Variants in CDK19 observed in about 807,000 individuals in gnomAD.
The protein encoded by CDK19 is cyclin-dependent kinase 19.
In CDK19, 20 loss-of-function variants were observed where a neutral mutation model predicts 68.3. That is an observed-to-expected ratio of 0.29 (90% CI 0.21 to 0.43). The LOEUF (loss-of-function observed/expected upper bound fraction) is 0.43. Ranked by LOEUF, CDK19 falls within the 20% of genes least tolerant of loss-of-function variation. CDK19 has a pLI of 1.00. For synonymous variants in CDK19, 221 were observed against 222.8 expected (o/e 0.99, Z 0.07); for missense variants, 339 against 623.5 (o/e 0.54, Z 4.86).
intron 1 of CDK19, among the ~76,000 whole-genome samples, chr6:110,766,349 C>T (rs928514158): frequency 2.0e-5 from 3 of 151,570 alleles, no homozygotes; most frequent in East Asian, 2.0e-4. Flanking sequence ...CCAAGGCAGA[C>T]GGATCACTTG....
At chr6:110,710,074 AACTG>A (rs1219626690) in intron 2 of CDK19, among the ~76,000 whole-genome samples, 2 of 152,244 alleles carry the variant, frequency 1.3e-5, no homozygotes, top group African/African-American at 4.8e-5. Flanking sequence ...TATGGTATAT[AACTG>A]GTAGATCACA....
chr6:110,753,917 A>C (rs1374262317), intron 1 of CDK19, among the ~76,000 whole-genome samples: 1 of 152,158 alleles, frequency 6.6e-6, no homozygotes, highest in Non-Finnish European at 1.5e-5. Flanking sequence ...TTTAGTCAAC[A>C]ACTACTTGAA....
At chr6:110,814,500 T>G in intron 1 of CDK19, 1 of 428,440 alleles carries the variant, frequency 2.3e-6, no homozygotes. Flanking sequence ...GCCCAGCGGG[T>G]CAGAGCCGTG....
At chr6:110,668,710 T>C (rs989793214) in intron 3 of CDK19, among the ~76,000 whole-genome samples, 45 of 151,948 alleles carry the variant, frequency 3.0e-4, no homozygotes, top group African/African-American at 1.1e-3. Context: ...TGTATGCCTG[T>C]AATCCCAGCT....
At chr6:110,752,558 CA>C (rs1261774407) in intron 1 of CDK19, among the ~76,000 whole-genome samples, 31 of 152,178 alleles carry the variant, frequency 2.0e-4, no homozygotes, top group African/African-American at 7.0e-4. Context: ...AAATGTGCTT[CA>C]AAAATTATGC....
chr6:110,696,491 T>C (rs557361634), intron 2 of CDK19, among the ~76,000 whole-genome samples: 7 of 152,286 alleles, frequency 4.6e-5, no homozygotes, highest in East Asian at 1.9e-4. Context: ...TTGGAAGTCC[T>C]AGCCAGAGCA....
At chr6:110,667,964 G>C (rs1782048501) in intron 3 of CDK19, among the ~76,000 whole-genome samples, 1 of 152,174 alleles carries the variant, frequency 6.6e-6, no homozygotes, top group African/African-American at 2.4e-5. Context: ...TAGTACACTT[G>C]GGTAACATCA....
chr6:110,615,667 T>C (rs1778266317), intron 12 of CDK19, among the ~76,000 whole-genome samples: 1 of 152,212 alleles, frequency 6.6e-6, no homozygotes. Flanking sequence ...AAATTTAGTT[T>C]ATAGTTTAAA....
At chr6:110,654,463 G>A (rs937242950) in intron 4 of CDK19, among the ~76,000 whole-genome samples, 3 of 152,206 alleles carry the variant, frequency 2.0e-5, no homozygotes, top group Non-Finnish European at 4.4e-5. Flanking sequence ...CTAGAGGGCA[G>A]GGAGAGTCAT....
chr6:110,629,288 C>T lies in CDK19; in HGVS notation c.647-2143G>A, dbSNP rs540383769. On this transcript the variant is annotated intron_variant, in intron 6 of 12. Transcript: ENST00000368911. Reference sequence around the variant, plus strand: ...ATTTCAAAAGGCCATCTGGCTCCTGCACCATCTGTAGCTACTTCTCAGGTT... The same window carrying T: ...ATTTCAAAAGGCCATCTGGCTCCTGTACCATCTGTAGCTACTTCTCAGGTT... 1.4e-3 allele frequency among the ~76,000 whole-genome samples: 217 copies of T among 152,302 alleles called. 1 individual carries two copies. The highest frequency in any genetic ancestry group is 4.9e-3 in the African/African-American group (205 of 41,566).
chr6:110,757,713 A>G (rs1002165690), intron 1 of CDK19, among the ~76,000 whole-genome samples: 1 of 152,240 alleles, frequency 6.6e-6, no homozygotes, highest in African/African-American at 2.4e-5. Context: ...CAAGTACATC[A>G]AAAACCATTC....
intron 1 of CDK19, among the ~76,000 whole-genome samples, chr6:110,787,401 C>T (rs750509004): frequency 1.8e-4 from 27 of 151,854 alleles, no homozygotes; most frequent in Non-Finnish European, 3.5e-4. Context: ...AAGACCTATT[C>T]AGGCAGATAT....
intron 2 of CDK19, among the ~76,000 whole-genome samples, chr6:110,724,120 G>A (rs955345138): frequency 4.6e-5 from 7 of 151,996 alleles, no homozygotes; most frequent in Non-Finnish European, 7.4e-5. Context: ...TTGGGAGGCC[G>A]AGGCGGGTGG....
intron 8 of CDK19, among the ~76,000 whole-genome samples, chr6:110,624,702 AT>A (rs1423035761): frequency 6.6e-6 from 1 of 152,198 alleles, no homozygotes; most frequent in African/African-American, 2.4e-5. Flanking sequence ...CAAACTTATT[AT>A]TTTGAGTGGC....
At chr6:110,722,255 T>C (rs995999217) in intron 2 of CDK19, 1 of 152,114 alleles carries the variant, frequency 6.6e-6, no homozygotes, top group Admixed American at 6.6e-5. Flanking sequence ...TTTTTTTAAA[T>C]ATGGAACTCT....
chr6:110,634,131 G>A (rs1020744640), intron 5 of CDK19, among the ~76,000 whole-genome samples: 5 of 152,002 alleles, frequency 3.3e-5, no homozygotes, highest in Non-Finnish European at 5.9e-5. Context: ...AATGTGCTAC[G>A]GTATAACATA....
chr6:110,645,987 T>C (rs1463850470), intron 4 of CDK19: 10 of 1,160,698 alleles, frequency 8.6e-6, no homozygotes, highest in African/African-American at 1.5e-5. Context: ...GCAGCGCGTC[T>C]TCAAGTATCT....
In CDK19 at chr6:110,638,566, C is replaced by T. The variant is rs1779931858; in HGVS notation, c.514+83G>A. The T allele has an allele frequency of 5.4e-6, 4 of 734,708 alleles. No homozygotes were observed. In the South Asian group the frequency reaches 6.4e-5, roughly 12 times the overall value. The allele number at this position is 734,708 out of a possible 1,614,324, so 45.5% of individuals were successfully genotyped here. On this transcript the variant is annotated intron_variant, in intron 5 of 12. Coordinates refer to ENST00000368911, the MANE Select transcript of CDK19 (RefSeq NM_015076.5). ...AGAAAGTAATTTTAAAATTAACTAC[C>T]TAAATAAGGGCATTAAAAAGGGAAA...
chr6:110,614,439 G>A lies in CDK19; in HGVS notation c.*96C>T. 3 of 1,170,888 alleles carry A rather than the reference G, an allele frequency of 2.6e-6. No homozygotes were observed. Among genetic ancestry groups the A allele is most frequent in the Non-Finnish European group, 2.4e-6 (2 of 819,696 alleles). 72.5% of individuals were successfully genotyped at this position (1,170,888 alleles called of 1,614,324 possible). A position where few individuals can be genotyped will look rare whatever the true frequency, so the allele number is the denominator to read the frequency against. On this transcript the variant is annotated 3_prime_UTR_variant, in exon 13 of 13. Coordinates refer to ENST00000368911, the MANE Select transcript of CDK19 (RefSeq NM_015076.5). ...CCTCCCATGTGTATGAGTTTTAAAT[G>A]GCATCATAGTTTGCATTTTTTTGGT...
Sources: gnomAD v4.1 joint callset for allele counts (sites outside exome capture counted in the v4.1 genomes callset) on GRCh38, gnomAD v4.1.1 for gene constraint, MANE v1.5 for transcripts, NCBI Gene and HGNC (gene_info 2026-07-23, HGNC 2026-07-21) for gene names.